RNF216: variants seen among roughly 807,000 people sequenced by gnomAD.
The protein encoded by RNF216 is ring finger protein 216, also known as E3 ubiquitin-protein ligase RNF216.
RNF216 carries 72 observed loss-of-function variants against 110.8 expected under a neutral mutation model. That is an observed-to-expected ratio of 0.65 (90% CI 0.54 to 0.79). RNF216 has a LOEUF of 0.79. RNF216 is among the 30% of genes least tolerant of loss of function. The pLI, the probability that RNF216 is intolerant of heterozygous loss-of-function variation, is 0.00. For missense variants in RNF216, 1,342 were observed against 1,141.2 expected, an observed-to-expected ratio of 1.18 and a Z score of -2.54; for synonymous variants, 495 against 407.5, an observed-to-expected ratio of 1.21 and a Z score of -2.59.
At chr7:5,707,723 T>G (rs907454552) in intron 13 of RNF216, among the ~76,000 whole-genome samples, 10 of 142,136 alleles carry the variant, frequency 7.0e-5, no homozygotes, top group South Asian at 7.0e-4. Flanking sequence ...GTGTGGTTTT[T>G]TTTTTTTTTT....
At chr7:5,702,839 G>A (rs1336713698) in intron 13 of RNF216, among the ~76,000 whole-genome samples, 1 of 152,222 alleles carries the variant, frequency 6.6e-6, no homozygotes, top group Non-Finnish European at 1.5e-5. Flanking sequence ...CTCAGTACGT[G>A]ACGGAAGGGA....
chr7:5,695,435 T>C (rs897664207), intron 13 of RNF216, among the ~76,000 whole-genome samples: 20 of 152,178 alleles, frequency 1.3e-4, no homozygotes, highest in African/African-American at 4.6e-4. Context: ...TTTTTTCTTA[T>C]GGCTGCTGCT....
chr7:5,770,810 T>C (rs562063118), intron 1 of RNF216, among the ~76,000 whole-genome samples: 67 of 152,120 alleles, frequency 4.4e-4, no homozygotes, highest in African/African-American at 1.3e-3. Context: ...TTCTTTTTTT[T>C]TTTTTCTTTC....
intron 13 of RNF216, among the ~76,000 whole-genome samples, chr7:5,664,945 C>T (rs769508612): frequency 9.2e-5 from 14 of 152,156 alleles, no homozygotes; most frequent in Non-Finnish European, 1.3e-4. Flanking sequence ...TACAGGCGCC[C>T]GCCACCAGGC....
At chr7:5,747,577 G>T (rs1001429378) in intron 3 of RNF216, among the ~76,000 whole-genome samples, 1 of 151,852 alleles carries the variant, frequency 6.6e-6, no homozygotes, top group Non-Finnish European at 1.5e-5. Context: ...CTAAGGTTTT[G>T]TCTGTTTTTT....
At chr7:5,766,110 C>G (rs1048676795) in intron 1 of RNF216, among the ~76,000 whole-genome samples, 2 of 151,756 alleles carry the variant, frequency 1.3e-5, no homozygotes, top group Non-Finnish European at 2.9e-5. Flanking sequence ...ATAGCTAGAC[C>G]CTGTCTCTAC....
In RNF216 at chr7:5,715,129, T is replaced by C; in HGVS notation, c.1757A>G (p.Gln586Arg). 1.9e-6 allele frequency: 3 copies of C among 1,613,958 alleles called. No homozygotes were observed. The highest frequency in any genetic ancestry group is 2.5e-6 in the Non-Finnish European group (3 of 1,179,982). ...YGEFPFEELT[Q>R]CADAHLFCKE... ...GCAGAACAAGTGAGCATCTGCGCAC[T>C]GCGTCAGCTCCTCGAATGGAAATTC... The change falls in exon 11 of 17, where the codon CAG (glutamine) becomes CGG (arginine). Residue 586 changes from glutamine to arginine, a missense_variant. Transcript: ENST00000389902.
At chr7:5,675,714 C>T (rs1379178455) in intron 13 of RNF216, among the ~76,000 whole-genome samples, 18 of 141,262 alleles carry the variant, frequency 1.3e-4, no homozygotes, top group African/African-American at 3.8e-4. Context: ...TATTCAAATT[C>T]TTTTTTTTTT....
At chr7:5,727,033 G>C (rs1285973410) in intron 7 of RNF216, among the ~76,000 whole-genome samples, 1 of 152,144 alleles carries the variant, frequency 6.6e-6, no homozygotes, top group African/African-American at 2.4e-5. Context: ...ACTGTGGCAG[G>C]GGATAGGAGG....
rs1490614909 is a variant in RNF216, at chr7:5,622,947, C to A, written c.2685G>T (p.Arg895=). ...GGATGGGACCGAAGTCATAGTTGAC[C>A]CGCACGTTGGGCAGAGGGGGCACGT... The part of the protein sequence containing the change: ...APYVPPLPNV[R]VNYDFGPIHM... The change falls in exon 17 of 17, where the codon CGG becomes CGT. Residue 895 remains arginine, a synonymous_variant. Transcript: ENST00000389902. 6.2e-7 allele frequency: 1 copy of A among 1,613,866 alleles called. No homozygotes were observed. The highest frequency in any genetic ancestry group is 1.3e-5 in the African/African-American group (1 of 74,914).
intron 3 of RNF216, 127 bp downstream of exon 3, chr7:5,752,719 T>C (rs1196672328): frequency 3.5e-6 from 3 of 846,612 alleles, no homozygotes; most frequent in Non-Finnish European, 5.4e-6. Context: ...CGAGGTAGAA[T>C]GGAAAAGGGG....
At chr7:5,768,172 C>G (rs1379663129) in intron 1 of RNF216, among the ~76,000 whole-genome samples, 1 of 151,336 alleles carries the variant, frequency 6.6e-6, no homozygotes, top group African/African-American at 2.4e-5. Context: ...AAAAAATTAC[C>G]AGGTGCGGTA....
chr7:5,626,595 T>C (rs1453011895), intron 15 of RNF216, among the ~76,000 whole-genome samples: 2 of 151,410 alleles, frequency 1.3e-5, no homozygotes, highest in Admixed American at 6.6e-5. Context: ...TGTGAGCCTG[T>C]AGTCCCAGCT....
Position 5,696,358 on chromosome 7 carries a change from C to T in RNF216, c.2061+15403G>A, listed in dbSNP as rs886997956. On this transcript the variant is annotated intron_variant, in intron 13 of 16. Coordinates refer to ENST00000389902, the MANE Select transcript of RNF216 (RefSeq NM_207111.4). This position sits in a 1 kb window ranked among gnomAD's most constrained non-coding sequence, Gnocchi z 5.4. ...AAATTAAGCTTATTCGACATGCCTT[C>T]GGCTGGAAAACAAGCCTTTTTAAAT... is the stretch of plus-strand genomic sequence containing the variant. Among the ~76,000 whole-genome samples, 2 of 152,200 alleles carry T rather than the reference C, an allele frequency of 1.3e-5. No individual in the cohort carries two copies. The highest frequency in any genetic ancestry group is 2.4e-5 in the African/African-American group (1 of 41,456).
chr7:5,682,402 C>G (rs527848169), intron 13 of RNF216, among the ~76,000 whole-genome samples: 28 of 151,206 alleles, frequency 1.9e-4, no homozygotes, highest in Non-Finnish European at 3.5e-4. Context: ...GTTTTACTTT[C>G]ATTTTTTTTC....
At position 5,741,773 on chromosome 7, in the gene RNF216, C is replaced by G. The variant is rs1794772842; in HGVS notation, c.244G>C (p.Ala82Pro). The G allele has an allele frequency of 6.2e-7, 1 of 1,614,088 alleles. No homozygotes were observed. Among genetic ancestry groups the G allele is most frequent in the Non-Finnish European group, 8.5e-7 (1 of 1,180,022 alleles). The change falls in exon 4 of 17, where the codon GCT (alanine) becomes CCT (proline). Residue 82 changes from alanine (A) to proline (P), a missense_variant. Physicochemically the swap from Ala to Pro is conservative, Grantham distance 27 (BLOSUM62 -1). Transcript: ENST00000389902. The stretch of plus-strand genomic sequence containing the variant: ...CTTTTCAGATCTTGCCACTGGGCAG[C>G]TGGTTTGATGAGATTGGGTCGTGAT... The part of the protein sequence containing the change: ...QRSRPNLIKP[A>P]AQWQDLKRLG...
At chr7:5,744,207 A>G (rs1794914679) in intron 3 of RNF216, among the ~76,000 whole-genome samples, 1 of 152,206 alleles carries the variant, frequency 6.6e-6, no homozygotes, top group South Asian at 2.1e-4. Flanking sequence ...ATGGAAAAAT[A>G]CAATAACTAA....
intron 13 of RNF216, among the ~76,000 whole-genome samples, chr7:5,703,843 C>T (rs113838448): frequency 3.9e-5 from 6 of 152,326 alleles, no homozygotes; most frequent in African/African-American, 1.4e-4. Context: ...TTCTGGAAAA[C>T]TTGACTTACA....
intron 2 of RNF216, among the ~76,000 whole-genome samples, chr7:5,756,922 C>T (rs1207536088): frequency 1.3e-5 from 2 of 152,198 alleles, no homozygotes; most frequent in African/African-American, 4.8e-5. Flanking sequence ...AAGCATGAGC[C>T]ACTGCGCCTG....
Sources: gnomAD v4.1 joint callset for allele counts (sites outside exome capture counted in the v4.1 genomes callset) on GRCh38, gnomAD v4.1.1 for gene constraint, Gnocchi (gnomAD v3.1) non-coding constraint, MANE v1.5 for transcripts, NCBI Gene and HGNC (gene_info 2026-07-23, HGNC 2026-07-21) for gene names.